TEX11: variants seen among roughly 807,000 people sequenced by gnomAD.
TEX11 encodes the protein testis expressed 11.
A neutral mutation model predicts 84.4 loss-of-function variants in TEX11; 7 were observed. That is an observed-to-expected ratio of 0.08 (90% CI 0.05 to 0.16). The LOEUF is 0.16. Among genes scored for constraint, TEX11 ranks in the 10% least tolerant of loss-of-function variants. TEX11 has a pLI of 1.00. For synonymous variants in TEX11, 264 were observed against 222.8 expected (o/e 1.18, Z -1.64); for missense variants, 551 against 660.5 (o/e 0.83, Z 1.82).
intron 13 of TEX11, among the ~76,000 whole-genome samples, chrX:70,715,755 A>C (rs941627584): frequency 6.3e-5 from 7 of 111,191 alleles, no homozygotes; most frequent in Non-Finnish European, 1.3e-4. Flanking sequence ...TTTAACTTGG[A>C]GTAGTTTGAT....
intron 9 of TEX11, among the ~76,000 whole-genome samples, chrX:70,798,032 G>GC (rs934722681): frequency 1.0e-4 from 10 of 99,347 alleles, no homozygotes; most frequent in East Asian, 3.1e-4. Flanking sequence ...GATGAGGGGG[G>GC]GGGAAAGGCA....
chrX:70,566,328 T>A (rs1569329567), intron 25 of TEX11, among the ~76,000 whole-genome samples: 1 of 102,538 alleles, frequency 9.8e-6, no homozygotes, highest in Non-Finnish European at 2.0e-5. Context: ...GTTTTCTAGA[T>A]ATACAATCAT....
intron 25 of TEX11, among the ~76,000 whole-genome samples, chrX:70,583,953 T>C (rs555369192): frequency 8.9e-6 from 1 of 112,212 alleles, no homozygotes; most frequent in South Asian, 3.7e-4. Flanking sequence ...TATGAACTAC[T>C]GTACATCAAA....
intron 16 of TEX11, among the ~76,000 whole-genome samples, chrX:70,653,430 A>G (rs1241656110): frequency 8.9e-6 from 1 of 112,506 alleles, no homozygotes; most frequent in Admixed American, 9.4e-5. Flanking sequence ...AAATAAGTAT[A>G]TGAAAAGATG....
At chrX:70,715,842 A>G (rs1026063210) in intron 13 of TEX11, among the ~76,000 whole-genome samples, 31 of 110,883 alleles carry the variant, frequency 2.8e-4, no homozygotes, top group Non-Finnish European at 5.5e-4. Context: ...GAGGAGCTGC[A>G]CTCCTTTGGA....
rs765038308 is a variant in TEX11 at position 70,554,838 on chromosome X, A to G, written c.2141-38T>C. 3.5e-6 allele frequency: 4 copies of G among 1,129,490 alleles called. No individual in the cohort carries two copies. In the East Asian group the frequency reaches 1.2e-4, roughly 35 times the overall value. The allele number at this position is 1,129,490 out of a possible 1,213,427, so 93.1% of individuals were successfully genotyped here. On this transcript the variant is annotated intron_variant, in intron 25 of 29. Coordinates refer to ENST00000374333, the MANE Select transcript of TEX11 (RefSeq NM_031276.3). ...CAAAAATGCAACATTCTTTGTGATTATATTATATTATTCTCTTTGGTTGTA... is the reference window on the plus strand; with the variant it reads ...CAAAAATGCAACATTCTTTGTGATTGTATTATATTATTCTCTTTGGTTGTA...
At chrX:70,542,153 G>C (rs1359187113) in intron 28 of TEX11, among the ~76,000 whole-genome samples, 1 of 111,238 alleles carries the variant, frequency 9.0e-6, no homozygotes, top group Non-Finnish European at 1.9e-5. Context: ...ATGATATTAG[G>C]AGGTGGGGCT....
At chrX:70,715,494 G>T (rs1012419779) in intron 13 of TEX11, among the ~76,000 whole-genome samples, 19 of 111,280 alleles carry the variant, frequency 1.7e-4, no homozygotes, top group East Asian at 8.4e-4. Flanking sequence ...TCATTTCTTT[G>T]TATTCTTTTT....
At chrX:70,661,054 C>T (rs974463139) in intron 16 of TEX11, among the ~76,000 whole-genome samples, 4 of 112,110 alleles carry the variant, frequency 3.6e-5, no homozygotes, top group South Asian at 7.4e-4. Flanking sequence ...GCACACCGAG[C>T]GTGAGCTGAA....
At chrX:70,668,391 T>C (rs748705074) in intron 16 of TEX11, among the ~76,000 whole-genome samples, 2 of 112,206 alleles carry the variant, frequency 1.8e-5, no homozygotes, top group Non-Finnish European at 3.8e-5. Flanking sequence ...ATATGATGGA[T>C]TGTGTATTTT....
intron 13 of TEX11, among the ~76,000 whole-genome samples, chrX:70,704,641 T>C (rs1410768198): frequency 9.0e-6 from 1 of 111,551 alleles, no homozygotes; most frequent in Non-Finnish European, 1.9e-5. Context: ...CTATCTATCC[T>C]CTTCTGTCTC....
chrX:70,804,898 C>G (rs906935174), intron 9 of TEX11, among the ~76,000 whole-genome samples: 1 of 109,675 alleles, frequency 9.1e-6, no homozygotes, highest in Non-Finnish European at 1.9e-5. Flanking sequence ...CCTAACTCAC[C>G]CTCATTCTTG....
At chrX:70,872,719 G>T (rs1374371042) in intron 4 of TEX11, among the ~76,000 whole-genome samples, 1 of 112,011 alleles carries the variant, frequency 8.9e-6, no homozygotes, top group East Asian at 2.8e-4. Context: ...CTCACAGGTA[G>T]AAATCATTTC....
intron 15 of TEX11, among the ~76,000 whole-genome samples, chrX:70,677,479 C>A (rs887448574): frequency 3.6e-5 from 4 of 112,156 alleles, no homozygotes; most frequent in African/African-American, 9.7e-5. Flanking sequence ...ATGTCCTGAT[C>A]AGAACTCTGT....
chrX:70,705,981 T>C (rs1473428458), intron 13 of TEX11, among the ~76,000 whole-genome samples: 1 of 111,432 alleles, frequency 9.0e-6, no homozygotes, highest in Admixed American at 9.6e-5. Flanking sequence ...GGATTATAAA[T>C]CATGCTGCTA....
At chrX:70,537,323 A>G (rs942725944) in intron 28 of TEX11, among the ~76,000 whole-genome samples, 43 of 111,524 alleles carry the variant, frequency 3.9e-4, no homozygotes, top group African/African-American at 9.1e-4. Flanking sequence ...CTGAGCAGCA[A>G]TGAGAACCCA....
chrX:70,750,903 C>A (rs2090812490), intron 9 of TEX11, among the ~76,000 whole-genome samples: 1 of 49,400 alleles, frequency 2.0e-5, no homozygotes, highest in African/African-American at 6.6e-5. Context: ...CACATGTATC[C>A]TAAAACTTAA....
At chrX:70,718,973 C>T (rs181443833) in intron 13 of TEX11, among the ~76,000 whole-genome samples, 7 of 111,359 alleles carry the variant, frequency 6.3e-5, no homozygotes, top group Admixed American at 1.9e-4. Context: ...CCTGAAAGAA[C>T]CCTTTAATAA....
At chrX:70,712,599 A>G (rs1262446414) in intron 13 of TEX11, among the ~76,000 whole-genome samples, 2 of 110,734 alleles carry the variant, frequency 1.8e-5, no homozygotes, top group Admixed American at 9.7e-5. Flanking sequence ...TTTGTCTGTT[A>G]TTGGTGTATA....
Sources: allele counts gnomAD v4.1 joint callset (sites outside exome capture counted in the v4.1 genomes callset), GRCh38; gene constraint gnomAD v4.1.1; transcripts MANE v1.5; gene names NCBI Gene and HGNC (gene_info 2026-07-23, HGNC 2026-07-21).